The following ROBO2 variants were observed in gnomAD, a reference collection of about 807,000 sequenced individuals.
The protein encoded by ROBO2 is roundabout guidance receptor 2, also known as roundabout homolog 2.
Under a neutral mutation model 160.8 loss-of-function variants are expected in ROBO2, and 53 were observed. The observed-to-expected ratio is 0.33, with a 90% confidence interval of 0.26 to 0.41. ROBO2 has a LOEUF of 0.41. ROBO2 is among the 10% of genes least tolerant of loss of function. ROBO2 has a pLI of 1.00. For synonymous variants in ROBO2, 664 were observed against 611.7 expected, an observed-to-expected ratio of 1.09 and a Z score of -1.26; for missense variants, 1,577 against 1,722.4, an observed-to-expected ratio of 0.92 and a Z score of 1.49.
chr3:77,412,029 G>A (rs537656135), intron 2 of ROBO2, among the ~76,000 whole-genome samples: 2 of 152,208 alleles, frequency 1.3e-5, no homozygotes, highest in South Asian at 4.2e-4. Flanking sequence ...TTAATGTGTA[G>A]GTGACTCATA....
intron 2 of ROBO2, among the ~76,000 whole-genome samples, chr3:76,522,393 A>G (rs535373396): frequency 2.0e-5 from 3 of 152,230 alleles, no homozygotes; most frequent in South Asian, 2.1e-4. Flanking sequence ...CTGTCACTCC[A>G]TCTTTCTTCA....
intron 2 of ROBO2, among the ~76,000 whole-genome samples, chr3:76,843,476 T>C (rs1576997318): frequency 6.6e-6 from 1 of 152,060 alleles, no homozygotes. Context: ...TGGTGACATT[T>C]TCCTGAGCTC....
chr3:76,858,134 A>G (rs1466818661), intron 2 of ROBO2, among the ~76,000 whole-genome samples: 1 of 151,542 alleles, frequency 6.6e-6, no homozygotes, highest in Non-Finnish European at 1.5e-5. Flanking sequence ...AGCACTCGCT[A>G]GTACACTCCC....
intron 2 of ROBO2, among the ~76,000 whole-genome samples, chr3:76,372,423 A>G (rs924666031): frequency 2.0e-5 from 3 of 151,896 alleles, no homozygotes; most frequent in South Asian, 2.1e-4. Context: ...ACAATGTTCA[A>G]CCTAATTGAA....
chr3:77,318,057 TA>T (rs2064250289), intron 2 of ROBO2, among the ~76,000 whole-genome samples: 2 of 152,056 alleles, frequency 1.3e-5, no homozygotes, highest in South Asian at 2.1e-4. Context: ...TTAATTTTAT[TA>T]TTTTTTTGAG....
chr3:76,053,200 T>G (rs1444716209), intron 2 of ROBO2, among the ~76,000 whole-genome samples: 1 of 152,020 alleles, frequency 6.6e-6, no homozygotes, highest in East Asian at 1.9e-4. Context: ...AGTACATGAT[T>G]CATTTAGTTT....
chr3:77,356,446 C>A (rs746058914), intron 2 of ROBO2, among the ~76,000 whole-genome samples: 8 of 151,940 alleles, frequency 5.3e-5, no homozygotes, highest in Non-Finnish European at 1.0e-4. Context: ...ATCAAATGGC[C>A]AACAGGTTAA....
intron 2 of ROBO2, among the ~76,000 whole-genome samples, chr3:76,802,621 G>C (rs2064303550): frequency 1.3e-5 from 2 of 151,880 alleles, no homozygotes; most frequent in African/African-American, 2.4e-5. Flanking sequence ...CCAGCTACTC[G>C]GGAGGCTGAG....
intron 2 of ROBO2, among the ~76,000 whole-genome samples, chr3:77,309,380 C>A (rs189822899): frequency 1.2e-4 from 18 of 152,182 alleles, no homozygotes; most frequent in South Asian, 6.2e-4. Flanking sequence ...GGGAAATATT[C>A]TTTTGTAGTT....
intron 2 of ROBO2, among the ~76,000 whole-genome samples, chr3:76,729,935 GCCTACAC>G (rs1205191817): frequency 6.6e-5 from 10 of 152,050 alleles, no homozygotes; most frequent in Non-Finnish European, 1.5e-4. Context: ...ACTTCGCCCG[GCCTACAC>G]ATGTATTTCT....
chr3:76,623,374 T>C (rs2089368043), intron 2 of ROBO2, among the ~76,000 whole-genome samples: 3 of 152,198 alleles, frequency 2.0e-5, no homozygotes, highest in Admixed American at 2.0e-4. Context: ...TTGGTTCTAA[T>C]TAGAGTAACC....
chr3:76,745,329 T>A (rs9816325), intron 2 of ROBO2, among the ~76,000 whole-genome samples: 2,750 of 152,274 alleles, frequency 0.018, 69 homozygotes, highest in African/African-American at 0.058. Flanking sequence ...TTACTCCAGG[T>A]TCTTTGATTG....
intron 1 of ROBO2, among the ~76,000 whole-genome samples, chr3:77,052,301 A>C (rs2149701038): frequency 6.6e-6 from 1 of 152,232 alleles, no homozygotes; most frequent in Admixed American, 6.5e-5. Context: ...CATTATCTAT[A>C]ATCCTTTTGG....
chr3:76,219,105 G>A (rs1703773919), intron 2 of ROBO2, among the ~76,000 whole-genome samples: 1 of 152,178 alleles, frequency 6.6e-6, no homozygotes, highest in Admixed American at 6.5e-5. Context: ...AAACTGGCTA[G>A]CCATATGTAG....
intron 2 of ROBO2, among the ~76,000 whole-genome samples, chr3:76,421,953 A>G (rs928742690): frequency 1.3e-5 from 2 of 152,112 alleles, no homozygotes; most frequent in African/African-American, 2.4e-5. Context: ...TTACATTCCT[A>G]TACCCAATTC....
chr3:77,324,624 A>T (rs1314481086), intron 2 of ROBO2, among the ~76,000 whole-genome samples: 1 of 148,702 alleles, frequency 6.7e-6, no homozygotes, highest in Admixed American at 6.8e-5. Flanking sequence ...CTAAAAATAC[A>T]AAAAAATTAG....
intron 2 of ROBO2, among the ~76,000 whole-genome samples, chr3:76,318,921 A>G (rs774146453): frequency 6.6e-6 from 1 of 152,196 alleles, no homozygotes; most frequent in Non-Finnish European, 1.5e-5. Context: ...TCAACTGAAG[A>G]TTATGTGAAT....
At chr3:76,802,544 C>A (rs1465173381) in intron 2 of ROBO2, among the ~76,000 whole-genome samples, 1 of 151,736 alleles carries the variant, frequency 6.6e-6, no homozygotes, top group South Asian at 2.1e-4. Context: ...CTGGCTAACA[C>A]GGTGAAACCC....
chr3:77,602,514 G>A (rs750171151), intron 20 of ROBO2, 23 bp downstream of exon 21: 1 of 1,613,270 alleles, frequency 6.2e-7, no homozygotes, highest in Non-Finnish European at 8.5e-7. Flanking sequence ...CTTGTGTCCT[G>A]AGGAGGTATT....
Sources: allele counts gnomAD v4.1 joint callset (sites outside exome capture counted in the v4.1 genomes callset), GRCh38; gene constraint gnomAD v4.1.1; transcripts MANE v1.5; gene names NCBI Gene and HGNC (gene_info 2026-07-23, HGNC 2026-07-21).